UNC13C: variants seen among roughly 807,000 people sequenced by gnomAD.
UNC13C encodes the protein protein unc-13 homolog C.
Under a neutral mutation model 245.4 loss-of-function variants are expected in UNC13C, and 174 were observed. That is an observed-to-expected ratio of 0.71 (90% CI 0.63 to 0.80). The LOEUF (loss-of-function observed/expected upper bound fraction) is 0.80. Among genes scored for constraint, UNC13C ranks in the 30% least tolerant of loss-of-function variants. UNC13C has a pLI of 0.00. For missense variants in UNC13C, 2,829 were observed against 2,602.9 expected, an observed-to-expected ratio of 1.09 and a Z score of -1.89; for synonymous variants, 992 against 895.1, an observed-to-expected ratio of 1.11 and a Z score of -1.93.
At chr15:53,894,379 T>G in the UNC13C span, among the ~76,000 whole-genome samples, 1 of 152,258 alleles carries the variant, frequency 6.6e-6, no homozygotes, top group Non-Finnish European at 1.5e-5. Flanking sequence ...TTCTTATAGT[T>G]GCTTTGGCAG....
intron 10 of UNC13C, among the ~76,000 whole-genome samples, chr15:54,288,259 A>T (rs2037200175): frequency 6.6e-6 from 1 of 152,072 alleles, no homozygotes; most frequent in South Asian, 2.1e-4. Context: ...TTCTAGATGA[A>T]TTTCGTTTAT....
intron 13 of UNC13C, among the ~76,000 whole-genome samples, chr15:54,310,882 T>C (rs972228203): frequency 6.6e-6 from 1 of 151,748 alleles, no homozygotes; most frequent in African/African-American, 2.4e-5. Flanking sequence ...ATTTTTCCTT[T>C]TGTAAGATTT....
chr15:54,606,324 A>G (rs1899763877), intron 30 of UNC13C, among the ~76,000 whole-genome samples: 1 of 152,216 alleles, frequency 6.6e-6, no homozygotes. Context: ...AGATTTCACA[A>G]AACAAATTTA....
the UNC13C span, among the ~76,000 whole-genome samples, chr15:53,894,816 T>C: frequency 1.3e-5 from 2 of 152,176 alleles, no homozygotes; most frequent in African/African-American, 4.8e-5. Flanking sequence ...TAGCAAACTT[T>C]TGATATTTAC....
intron 2 of UNC13C, among the ~76,000 whole-genome samples, chr15:54,109,982 A>G (rs57696562): frequency 0.022 from 3,361 of 152,250 alleles, 101 homozygotes; most frequent in African/African-American, 0.071. Context: ...CCTTCTGTTT[A>G]AAGTATAAAT....
the UNC13C span, among the ~76,000 whole-genome samples, chr15:53,872,605 T>G: frequency 6.6e-6 from 1 of 152,168 alleles, no homozygotes; most frequent in Non-Finnish European, 1.5e-5. Context: ...TTATGACAAC[T>G]TCCTCTCCAG....
In UNC13C at chr15:54,054,978, C is replaced by T. The variant is rs145184267; in HGVS notation, c.2983+39092C>T. Among the ~76,000 whole-genome samples the T allele has an allele frequency of 1.1e-4, 16 of 152,234 alleles. No homozygotes were observed. The South Asian group carries it at 2.9e-3, about 28-fold the overall frequency. Reference sequence around the variant, plus strand: ...ACATCTGAATCAACTGTGGCCTACACTGTTTGATCAGGATGACAAAATTGC... The same window carrying T: ...ACATCTGAATCAACTGTGGCCTACATTGTTTGATCAGGATGACAAAATTGC... On this transcript the variant is annotated intron_variant, in intron 2 of 32. Coordinates refer to ENST00000260323, the MANE Select transcript of UNC13C (RefSeq NM_001080534.3).
chr15:54,072,746 C>T (rs1262508790), intron 2 of UNC13C, among the ~76,000 whole-genome samples: 2 of 152,064 alleles, frequency 1.3e-5, no homozygotes, highest in Non-Finnish European at 2.9e-5. Flanking sequence ...CTTTTGAGTC[C>T]TCATAATGAT....
chr15:53,884,025 G>T, the UNC13C span, among the ~76,000 whole-genome samples: 1 of 152,132 alleles, frequency 6.6e-6, no homozygotes, highest in African/African-American at 2.4e-5. Flanking sequence ...TTGATGCTGT[G>T]ATCCTGGGGA....
At chr15:54,311,893 A>G (rs2037882692) in intron 13 of UNC13C, among the ~76,000 whole-genome samples, 1 of 151,848 alleles carries the variant, frequency 6.6e-6, no homozygotes, top group Non-Finnish European at 1.5e-5. Flanking sequence ...GAAAATATGT[A>G]CAAATAATTT....
At chr15:53,932,639 T>G in the UNC13C span, among the ~76,000 whole-genome samples, 1 of 152,186 alleles carries the variant, frequency 6.6e-6, no homozygotes, top group East Asian at 1.9e-4. Flanking sequence ...CTCTAACCCT[T>G]TCTTCTGAGT....
chr15:54,186,842 T>TATATATATATATATATATATATATACAC (rs1201006554), intron 4 of UNC13C, among the ~76,000 whole-genome samples: 1 of 116,602 alleles, frequency 8.6e-6, no homozygotes, highest in African/African-American at 4.5e-5. Flanking sequence ...ACATAATATA[T>TATATATATATATATATATATATATACAC]ATGTATATAT....
chr15:53,980,734 C>T (rs922738986), intron 1 of UNC13C, among the ~76,000 whole-genome samples: 3 of 152,170 alleles, frequency 2.0e-5, no homozygotes, highest in African/African-American at 4.8e-5. Flanking sequence ...ATCATCATCA[C>T]TATGTGCTAG....
chr15:54,225,235 G>A (rs920618157), intron 4 of UNC13C, among the ~76,000 whole-genome samples: 2 of 151,672 alleles, frequency 1.3e-5, no homozygotes, highest in African/African-American at 4.8e-5. Flanking sequence ...GTTGGAAGCT[G>A]GTTAGCATGA....
intron 2 of UNC13C, among the ~76,000 whole-genome samples, chr15:54,041,505 T>C (rs951221801): frequency 3.3e-5 from 5 of 152,224 alleles, no homozygotes; most frequent in Admixed American, 3.3e-4. Context: ...ATTGTTCCCA[T>C]ATACCTCTAA....
At chr15:54,224,395 G>T (rs2035314256) in intron 4 of UNC13C, among the ~76,000 whole-genome samples, 1 of 152,064 alleles carries the variant, frequency 6.6e-6, no homozygotes, top group Non-Finnish European at 1.5e-5. Context: ...TGGTCATATG[G>T]TTTTTGTCCT....
At chr15:54,122,746 A>G (rs2030759717) in intron 2 of UNC13C, among the ~76,000 whole-genome samples, 1 of 152,020 alleles carries the variant, frequency 6.6e-6, no homozygotes, top group African/African-American at 2.4e-5. Flanking sequence ...TTTTGCATCT[A>G]GCTTCTTTCA....
chr15:54,624,903 G>T (rs540910370), intron 32 of UNC13C, among the ~76,000 whole-genome samples: 1 of 152,190 alleles, frequency 6.6e-6, no homozygotes, highest in Non-Finnish European at 1.5e-5. Context: ...GGGAACTGGG[G>T]CTAATAGTAA....
intron 2 of UNC13C, among the ~76,000 whole-genome samples, chr15:54,040,521 G>A (rs185382502): frequency 2.8e-4 from 42 of 152,264 alleles, no homozygotes; most frequent in African/African-American, 1.0e-3. Context: ...ACACTCTCTA[G>A]GGGACAGTGT....
Sources: allele counts gnomAD v4.1 joint callset (sites outside exome capture counted in the v4.1 genomes callset), GRCh38; gene constraint gnomAD v4.1.1; transcripts MANE v1.5; gene names NCBI Gene and HGNC (gene_info 2026-07-23, HGNC 2026-07-21).